COG7: variants seen among roughly 807,000 people sequenced by gnomAD.
The protein encoded by COG7 is conserved oligomeric Golgi complex subunit 7.
In COG7, 49 loss-of-function variants were observed where a neutral mutation model predicts 91.5. That is an observed-to-expected ratio of 0.54 (90% confidence interval 0.43 to 0.68). COG7 has a LOEUF of 0.68. Among genes scored for constraint, COG7 ranks in the 30% least tolerant of loss-of-function variants. The probability of loss-of-function intolerance (pLI) is 0.00; values close to 1 mark genes in which losing one functional copy is unlikely to be tolerated. For synonymous variants in COG7, 365 were observed against 388.7 expected, an observed-to-expected ratio of 0.94 and a Z score of 0.72; for missense variants, 895 against 961.3, an observed-to-expected ratio of 0.93 and a Z score of 0.91.
chr16:23,396,499 C>T (rs938581690), intron 14 of COG7, among the ~76,000 whole-genome samples: 2 of 151,836 alleles, frequency 1.3e-5, no homozygotes, highest in African/African-American at 4.8e-5. Context: ...GTCAACATGA[C>T]GAAACCCTGT....
intron 5 of COG7, 145 bp downstream of exon 5, chr16:23,434,491 C>T: frequency 4.3e-6 from 3 of 703,776 alleles, no homozygotes; most frequent in Non-Finnish European, 7.8e-6. Context: ...ACCAAGAGCA[C>T]CCCCTACTGG....
chr16:23,432,726 G>C lies in COG7; in HGVS notation c.810+819C>G, dbSNP rs1963953727. Among the ~76,000 whole-genome samples, 3 of 152,198 alleles carry C rather than the reference G, an allele frequency of 2.0e-5. No individual in the cohort carries two copies. In the South Asian group the frequency reaches 6.2e-4, roughly 32 times the overall value. On this transcript the variant is annotated intron_variant, in intron 6 of 16. Transcript: ENST00000307149. ...ATGGATAGTTGCCACTTGAAACAAA[G>C]TTCCTCTGTCTCTCCTCACTCCTAG...
intron 4 of COG7, among the ~76,000 whole-genome samples, chr16:23,436,281 T>C (rs181561673): frequency 1.2e-3 from 185 of 152,302 alleles, no homozygotes; most frequent in African/African-American, 4.3e-3. Context: ...TTAATTAAAA[T>C]AATTCTATAA....
intron 6 of COG7, among the ~76,000 whole-genome samples, chr16:23,430,472 A>G (rs1238894311): frequency 1.3e-5 from 2 of 152,152 alleles, no homozygotes; most frequent in African/African-American, 4.8e-5. Flanking sequence ...TTTACCTAAA[A>G]AAAATGTAAG....
rs144227437 is a variant in COG7, at chr16:23,447,832, G to A, written c.170-1871C>T. On this transcript the variant is annotated intron_variant, in intron 1 of 16. Transcript: ENST00000307149. ...GGAGAATCACTTGAACCTGGGAGGC[G>A]GAGGTTGCAGTGAGTTGAGATTACA... Among the ~76,000 whole-genome samples, 994 of 151,898 alleles carry A rather than the reference G, an allele frequency of 6.5e-3. 13 individuals are homozygous for A. Among genetic ancestry groups the A allele is most frequent in the African/African-American group, 0.023 (945 of 41,430 alleles).
intron 7 of COG7, among the ~76,000 whole-genome samples, chr16:23,421,660 T>C (rs1963757745): frequency 6.6e-6 from 1 of 151,802 alleles, no homozygotes; most frequent in African/African-American, 2.4e-5. Flanking sequence ...AAAAAGAATC[T>C]AGTGCTGGTG....
intron 11 of COG7, among the ~76,000 whole-genome samples, chr16:23,409,106 T>C (rs1963521038): frequency 7.6e-6 from 1 of 131,136 alleles, no homozygotes; most frequent in South Asian, 2.5e-4. Context: ...TGTGTGTGTG[T>C]GTGTGTGTGT....
At chr16:23,437,915 T>A (rs1181057492) in intron 4 of COG7, among the ~76,000 whole-genome samples, 1 of 151,802 alleles carries the variant, frequency 6.6e-6, no homozygotes, top group African/African-American at 2.4e-5. Context: ...TGAAACTCCA[T>A]CTCTACTAAA....
intron 7 of COG7, among the ~76,000 whole-genome samples, chr16:23,421,032 G>A (rs1047605673): frequency 6.6e-5 from 10 of 150,794 alleles, no homozygotes; most frequent in African/African-American, 2.4e-4. Flanking sequence ...TTACAGGTGC[G>A]AGCCCCCATG....
At chr16:23,393,179 C>T (rs1029040843) in intron 15 of COG7, 54 bp downstream of exon 15, 2 of 1,329,300 alleles carry the variant, frequency 1.5e-6, no homozygotes. Context: ...GGAGTTTCTA[C>T]CCTGGAAACT....
Position 23,442,576 on chromosome 16 carries a change from C to G in COG7, c.505G>C (p.Asp169His), listed in dbSNP as rs764928412. 1 of 1,614,026 alleles carries G rather than the reference C, an allele frequency of 6.2e-7. No homozygotes were observed. The highest frequency in any genetic ancestry group is 8.5e-7 in the Non-Finnish European group (1 of 1,179,916). Residue 169 changes from aspartate to histidine, a missense_variant, in exon 4 of 17, where the codon GAC becomes CAC. By Grantham distance (81) the Asp-to-His change is moderately conservative. Coordinates refer to ENST00000307149, the MANE Select transcript of COG7 (RefSeq NM_153603.4). ...AAGTGCACACACTTTTCTGAGTAGT[C>G]TGGTGTATCAACAAGCATCATTAAG... ...NSLMMLVDTPDYSEKCVHLEA... is the reference protein window; with the variant it reads ...NSLMMLVDTPHYSEKCVHLEA...
At chr16:23,396,841 G>A (rs933505548) in intron 14 of COG7, among the ~76,000 whole-genome samples, 22 of 152,196 alleles carry the variant, frequency 1.4e-4, no homozygotes, top group African/African-American at 5.1e-4. Context: ...ACAGAGAGCA[G>A]AGAGCCAGCC....
At chr16:23,451,918 T>G (rs1477046031) in intron 1 of COG7, among the ~76,000 whole-genome samples, 1 of 152,112 alleles carries the variant, frequency 6.6e-6, no homozygotes, top group Non-Finnish European at 1.5e-5. Context: ...TTTTTTTTTC[T>G]TTTTACAGTT....
At chr16:23,425,218 G>A (rs1050464491) in intron 6 of COG7, among the ~76,000 whole-genome samples, 1 of 152,162 alleles carries the variant, frequency 6.6e-6, no homozygotes, top group Non-Finnish European at 1.5e-5. Flanking sequence ...GCAGAGGCAG[G>A]AGAATCACTT....
chr16:23,413,852 G>C (rs1016154651), intron 9 of COG7: 2 of 367,366 alleles, frequency 5.4e-6, no homozygotes, highest in Admixed American at 3.9e-5. Flanking sequence ...GGTGAGAGAT[G>C]ATGCTGATAA....
intron 16 of COG7, 159 bp downstream of exon 16, chr16:23,392,221 A>G (rs1963209548): frequency 6.6e-7 from 1 of 1,511,658 alleles, no homozygotes; most frequent in African/African-American, 1.4e-5. Flanking sequence ...TCTCTGGGGC[A>G]GGGCCTGGAG....
chr16:23,407,350 C>T (rs1048437266), intron 11 of COG7, among the ~76,000 whole-genome samples: 2 of 152,234 alleles, frequency 1.3e-5, no homozygotes, highest in African/African-American at 4.8e-5. Flanking sequence ...CCAGTCTTCA[C>T]TAGTTCTTGT....
At position 23,388,624 on chromosome 16, in the gene COG7, CTTTT is replaced by C. The variant is rs567617218; in HGVS notation, c.*292_*295del. The C allele has an allele frequency of 3.7e-4, 57 of 155,600 alleles. No homozygotes were observed. Among genetic ancestry groups the C allele is most frequent in the South Asian group, 1.3e-3 (10 of 7,568 alleles). The allele number at this position is 155,600 out of a possible 1,614,324, so 9.6% of individuals were successfully genotyped here. On this transcript the variant is annotated 3_prime_UTR_variant, in exon 17 of 17. Transcript: ENST00000307149. Reference sequence around the variant, plus strand: ...TTTTGATTATACAAATGAACCAAGTCTTTTTTTTTTTTTTTTTTGAGACAGAGTC... The same window carrying C: ...TTTTGATTATACAAATGAACCAAGTCTTTTTTTTTTTTTTGAGACAGAGTC...
Position 23,418,845 on chromosome 16 carries a change from T to C in COG7, c.1010-18A>G, listed in dbSNP as rs1180578007. The C allele has an allele frequency of 5.0e-6, 8 of 1,611,634 alleles. No individual in the cohort carries two copies. Among genetic ancestry groups the C allele is most frequent in the Non-Finnish European group, 4.2e-6 (5 of 1,177,804 alleles). On this transcript the variant is annotated intron_variant, in intron 7 of 16. Coordinates refer to ENST00000307149, the MANE Select transcript of COG7 (RefSeq NM_153603.4). ...GTGTTCATCTTTAGGGAATCAGAAA[T>C]GTAAAACGATAATGAACAAAGAATC... is the stretch of plus-strand genomic sequence containing the variant.
Sources: gnomAD v4.1 joint callset for allele counts (sites outside exome capture counted in the v4.1 genomes callset) on GRCh38, gnomAD v4.1.1 for gene constraint, MANE v1.5 for transcripts, NCBI Gene and HGNC (gene_info 2026-07-23, HGNC 2026-07-21) for gene names.